The following CIMIP6 variants were observed in gnomAD, a reference collection of about 807,000 sequenced individuals.
The protein encoded by CIMIP6 is uncharacterized protein C2orf73.
the CIMIP6 span, chr2:54,330,907 CT>C: frequency 2.0e-6 from 3 of 1,522,562 alleles, no homozygotes; most frequent in Non-Finnish European, 2.7e-6. Flanking sequence ...TTTGCGCACC[CT>C]TTTCCTGGCA....
the CIMIP6 span, among the ~76,000 whole-genome samples, chr2:54,369,356 G>A: frequency 2.0e-5 from 3 of 152,040 alleles, no homozygotes; most frequent in Non-Finnish European, 2.9e-5. Context: ...TAGACCAAAC[G>A]CTGAAAAATC....
the CIMIP6 span, among the ~76,000 whole-genome samples, chr2:54,370,032 T>G: frequency 6.6e-6 from 1 of 152,078 alleles, no homozygotes; most frequent in East Asian, 1.9e-4. Context: ...GCGAGACAGG[T>G]GGATCACCTG....
chr2:54,343,616 C>A, the CIMIP6 span: 1 of 749,778 alleles, frequency 1.3e-6, no homozygotes, highest in Non-Finnish European at 2.0e-6. Context: ...CTGGGATATC[C>A]ACTAACTTGT....
At chr2:54,331,281 CT>C in the CIMIP6 span, among the ~76,000 whole-genome samples, 1 of 152,138 alleles carries the variant, frequency 6.6e-6, no homozygotes, top group Non-Finnish European at 1.5e-5. Flanking sequence ...TAGTCTTTAC[CT>C]TTAAAATTAT....
At chr2:54,332,073 C>A in the CIMIP6 span, among the ~76,000 whole-genome samples, 1 of 152,194 alleles carries the variant, frequency 6.6e-6, no homozygotes, top group Non-Finnish European at 1.5e-5. Flanking sequence ...AGTGCCCATA[C>A]TTTTAGAAGC....
At chr2:54,359,597 C>CAAT in the CIMIP6 span, among the ~76,000 whole-genome samples, 5,354 of 149,068 alleles carry the variant, frequency 0.036, 235 homozygotes, top group African/African-American at 0.097. Flanking sequence ...TTTCTAATAA[C>CAAT]AATAATAATA....
the CIMIP6 span, among the ~76,000 whole-genome samples, chr2:54,333,088 C>G: frequency 6.6e-6 from 1 of 152,112 alleles, no homozygotes; most frequent in Non-Finnish European, 1.5e-5. Context: ...TAATGGCAGT[C>G]CATTTACCTT....
At chr2:54,356,552 G>A in the CIMIP6 span, among the ~76,000 whole-genome samples, 374 of 152,042 alleles carry the variant, frequency 2.5e-3, 2 homozygotes, top group Non-Finnish European at 4.3e-3. Flanking sequence ...TGGTAGCTCC[G>A]GTTCCTGCTT....
the CIMIP6 span, among the ~76,000 whole-genome samples, chr2:54,350,354 G>C: frequency 6.6e-6 from 1 of 152,210 alleles, no homozygotes; most frequent in African/African-American, 2.4e-5. Flanking sequence ...GCTGAGTTCA[G>C]CTGGGTAGTT....
chr2:54,365,937 T>C, the CIMIP6 span, among the ~76,000 whole-genome samples: 1 of 152,166 alleles, frequency 6.6e-6, no homozygotes, highest in South Asian at 2.1e-4. Context: ...AAAATATTAA[T>C]AGGAAGACAG....
the CIMIP6 span, chr2:54,358,821 T>C: frequency 1.4e-4 from 71 of 492,562 alleles, no homozygotes; most frequent in Non-Finnish European, 2.2e-4. Context: ...CCATTCTATT[T>C]ATTATTTAGA....
chr2:54,360,473 A>G, the CIMIP6 span: 3 of 1,579,740 alleles, frequency 1.9e-6, no homozygotes, highest in South Asian at 1.2e-5. Context: ...GAGCAGAGAA[A>G]AGACCTCAGG....
chr2:54,356,003 C>T, the CIMIP6 span, among the ~76,000 whole-genome samples: 1 of 152,138 alleles, frequency 6.6e-6, no homozygotes, highest in African/African-American at 2.4e-5. Flanking sequence ...GTATGTCTCC[C>T]ACTAAATTTG....
the CIMIP6 span, among the ~76,000 whole-genome samples, chr2:54,358,037 G>T: frequency 6.6e-6 from 1 of 152,138 alleles, no homozygotes; most frequent in African/African-American, 2.4e-5. Context: ...AATTATTTAA[G>T]ATGTTAAACA....
chr2:54,345,518 G>T, the CIMIP6 span, among the ~76,000 whole-genome samples: 6 of 152,166 alleles, frequency 3.9e-5, no homozygotes, highest in Admixed American at 3.3e-4. Context: ...TCTTGCATCT[G>T]CTGTTTTTCA....
At chr2:54,351,139 G>A in the CIMIP6 span, among the ~76,000 whole-genome samples, 1 of 152,146 alleles carries the variant, frequency 6.6e-6, no homozygotes, top group Admixed American at 6.5e-5. Context: ...TTTAACTCAA[G>A]TTGAACAAAT....
the CIMIP6 span, among the ~76,000 whole-genome samples, chr2:54,366,674 A>T: frequency 6.6e-6 from 1 of 151,674 alleles, no homozygotes; most frequent in African/African-American, 2.4e-5. Flanking sequence ...AGACAACCAT[A>T]ATGTCAGCAG....
the CIMIP6 span, among the ~76,000 whole-genome samples, chr2:54,331,447 C>G: frequency 6.6e-6 from 1 of 152,074 alleles, no homozygotes; most frequent in Non-Finnish European, 1.5e-5. Context: ...TCAGAGCTAT[C>G]CGTTTACAGC....
chr2:54,379,594 C>T, the CIMIP6 span, among the ~76,000 whole-genome samples: 1 of 151,990 alleles, frequency 6.6e-6, no homozygotes, highest in Non-Finnish European at 1.5e-5. Context: ...AATCCCAGCA[C>T]TTTGGGAGGC....
Sources: allele counts gnomAD v4.1 joint callset (sites outside exome capture counted in the v4.1 genomes callset), GRCh38; gene constraint gnomAD v4.1.1; transcripts MANE v1.5; gene names NCBI Gene and HGNC (gene_info 2026-07-23, HGNC 2026-07-21).